Variants in ATAD2 observed in about 807,000 individuals in gnomAD.
ATAD2 encodes ATPase family AAA domain-containing protein 2.
A neutral mutation model predicts 168.9 loss-of-function variants in ATAD2; 62 were observed. The ratio of observed to expected loss-of-function variants is 0.37; its 90% CI spans 0.30 to 0.45. The LOEUF is 0.45. Among genes scored for constraint, ATAD2 ranks in the 20% least tolerant of loss-of-function variants. The pLI is 1.00. For synonymous variants in ATAD2, 613 were observed against 571.6 expected, an observed-to-expected ratio of 1.07 and a Z score of -1.03; for missense variants, 1,419 against 1,667.8, an observed-to-expected ratio of 0.85 and a Z score of 2.60.
rs1391325510 is a variant in ATAD2, at chr8:123,396,170, C to T, written c.171+17G>A. 1 of 1,553,184 alleles carries T rather than the reference C, an allele frequency of 6.4e-7. No individual in the cohort carries two copies. Among genetic ancestry groups the T allele is most frequent in the African/African-American group, 1.4e-5 (1 of 73,052 alleles). ...CCCGGGAACCGCCCTGGGAGCCCGC[C>T]TCAGGCCCGTACTCACGCCCGCTTT... On this transcript the variant is annotated intron_variant, in intron 1 of 27. Transcript: ENST00000287394.
intron 1 of ATAD2, among the ~76,000 whole-genome samples, chr8:123,390,271 C>T (rs1261550333): frequency 6.6e-6 from 1 of 152,076 alleles, no homozygotes; most frequent in Non-Finnish European, 1.5e-5. Flanking sequence ...GCATGAGCCA[C>T]TGCACCCAGA....
At chr8:123,357,466 T>C in intron 12 of ATAD2, 96 bp downstream of exon 12, 1 of 1,199,620 alleles carries the variant, frequency 8.3e-7, no homozygotes, top group Non-Finnish European at 1.1e-6. Context: ...TCTGGGTTTA[T>C]TTAGAACACT....
rs568911338 is a variant in ATAD2, at chr8:123,390,846, TA to T, written c.171+5340del. Among the ~76,000 whole-genome samples the T allele has an allele frequency of 1.9e-3, 282 of 152,118 alleles. 2 individuals carry two copies. Among genetic ancestry groups the T allele is most frequent in the African/African-American group, 6.7e-3 (276 of 41,500 alleles). On this transcript the variant is annotated intron_variant, in intron 1 of 27. Transcript: ENST00000287394. The stretch of plus-strand genomic sequence containing the variant: ...CAGGAGTTTGATACCCCGTCTCTAC[TA>T]AAAATACAAAAATTAGCTGGGCATG...
rs932072554 is a variant in ATAD2 at position 123,321,606 on chromosome 8, T to A, written c.4132-431A>T. Among the ~76,000 whole-genome samples the A allele has an allele frequency of 3.9e-5, 6 of 152,204 alleles. 1 individual carries two copies. The East Asian group carries it at 9.6e-4, about 24-fold the overall frequency. ...TGTAAGTAATATCTTTTTTTAAAAT[T>A]TAGCACTCTCTAGTGAAATGATCTG... On this transcript the variant is annotated intron_variant, in intron 27 of 27. Coordinates refer to ENST00000287394, the MANE Select transcript of ATAD2 (RefSeq NM_014109.4).
chr8:123,375,513 G>A (rs1040579345), intron 2 of ATAD2, among the ~76,000 whole-genome samples: 1 of 152,160 alleles, frequency 6.6e-6, no homozygotes, highest in African/African-American at 2.4e-5. Context: ...CCACTGCCAG[G>A]TGTATACCCA....
At chr8:123,415,986 C>T (rs956816729) in intron 1 of ATAD2, among the ~76,000 whole-genome samples, 2 of 152,074 alleles carry the variant, frequency 1.3e-5, no homozygotes, top group Admixed American at 1.3e-4. Flanking sequence ...ACCATATGGA[C>T]TCTTTAAACT....
At chr8:123,321,214 T>C (rs1827460280) in intron 27 of ATAD2, 39 bp from the exon 28 acceptor site, 2 of 1,534,296 alleles carry the variant, frequency 1.3e-6, no homozygotes, top group East Asian at 2.3e-5. Context: ...TAAGTTTCAA[T>C]ATGGAATAAG....
chr8:123,407,810 G>A (rs1248986721), intron 1 of ATAD2, among the ~76,000 whole-genome samples: 7 of 151,674 alleles, frequency 4.6e-5, no homozygotes, highest in Non-Finnish European at 1.0e-4. Flanking sequence ...CCAAGATTGC[G>A]TCACTGCACT....
At chr8:123,321,746 C>T (rs1294263639) in intron 27 of ATAD2, among the ~76,000 whole-genome samples, 3 of 151,882 alleles carry the variant, frequency 2.0e-5, no homozygotes, top group African/African-American at 7.3e-5. Context: ...CCATCCTAGG[C>T]AACATAGCAA....
At chr8:123,382,024 C>T (rs1440908504) in intron 1 of ATAD2, among the ~76,000 whole-genome samples, 1 of 152,034 alleles carries the variant, frequency 6.6e-6, no homozygotes, top group Non-Finnish European at 1.5e-5. Context: ...CCAGCCTGGG[C>T]GACACAGCAA....
intron 27 of ATAD2, among the ~76,000 whole-genome samples, chr8:123,322,472 C>T (rs1039797905): frequency 3.3e-5 from 5 of 152,028 alleles, no homozygotes; most frequent in East Asian, 1.9e-4. Flanking sequence ...AGCTCAAGAT[C>T]GGCGTGGGCA....
upstream of ATAD2, among the ~76,000 whole-genome samples, chr8:123,397,181 C>T (rs1217905387): frequency 7.5e-6 from 1 of 133,112 alleles, no homozygotes; most frequent in Non-Finnish European, 1.5e-5. Flanking sequence ...GCACAGGTTG[C>T]AGTGAGCCAA....
intron 19 of ATAD2, among the ~76,000 whole-genome samples, chr8:123,342,018 T>C (rs1828077686): frequency 6.6e-6 from 1 of 152,050 alleles, no homozygotes; most frequent in South Asian, 2.1e-4. Context: ...CCCAGGAGGC[T>C]GAGGCTGCAG....
In ATAD2 at chr8:123,339,306, C is replaced by G. The variant is rs1469844999; in HGVS notation, c.2854+5G>C. ...TTAAATATTAACTTTGATATAGAAA[C>G]TAACCTGCTTTCTTTTTTGATATAG... On this transcript the variant is annotated splice_donor_5th_base_variant and intron_variant, in intron 20 of 27. Coordinates refer to ENST00000287394, the MANE Select transcript of ATAD2 (RefSeq NM_014109.4). 1.3e-6 allele frequency: 2 copies of G among 1,540,942 alleles called. No homozygotes were observed. Among genetic ancestry groups the G allele is most frequent in the Non-Finnish European group, 1.8e-6 (2 of 1,139,698 alleles).
chr8:123,342,041 G>A (rs745423214), intron 19 of ATAD2, among the ~76,000 whole-genome samples: 1 of 152,074 alleles, frequency 6.6e-6, no homozygotes, highest in Admixed American at 6.6e-5. Context: ...AGCCAAGATC[G>A]CACCCCTACG....
chr8:123,410,030 T>C (rs1813130369), intron 1 of ATAD2, among the ~76,000 whole-genome samples: 1 of 151,972 alleles, frequency 6.6e-6, no homozygotes, highest in Admixed American at 6.6e-5. Context: ...CAATATACTG[T>C]GTGCTGTGGA....
chr8:123,409,016 C>T (rs1366406790), intron 1 of ATAD2, among the ~76,000 whole-genome samples: 6 of 151,244 alleles, frequency 4.0e-5, no homozygotes, highest in Admixed American at 2.0e-4. Context: ...TTAGTAGAGA[C>T]GGGGTTTTGC....
At chr8:123,400,205 G>A (rs115889066), upstream of ATAD2, among the ~76,000 whole-genome samples, 2,008 of 152,182 alleles carry the variant, frequency 0.013, 42 homozygotes, top group African/African-American at 0.045. The surrounding 1 kb of genome is among the most constrained non-coding windows in gnomAD (Gnocchi z 4.5). Context: ...CTGAGGAGGC[G>A]ACATTTTAGA....
At chr8:123,344,286 T>C (rs1828157043) in intron 19 of ATAD2, among the ~76,000 whole-genome samples, 2 of 151,322 alleles carry the variant, frequency 1.3e-5, no homozygotes, top group Admixed American at 1.3e-4. Flanking sequence ...CATTTATTGA[T>C]AAATGAATAA....
Sources: allele counts gnomAD v4.1 joint callset (sites outside exome capture counted in the v4.1 genomes callset), GRCh38; gene constraint gnomAD v4.1.1; non-coding constraint Gnocchi (gnomAD v3.1); transcripts MANE v1.5; gene names NCBI Gene and HGNC (gene_info 2026-07-23, HGNC 2026-07-21).